The following NKAIN3 variants were observed in gnomAD, a reference collection of about 807,000 sequenced individuals.
NKAIN3 encodes the protein sodium/potassium transporting ATPase interacting 3.
Under a neutral mutation model 30.2 loss-of-function variants are expected in NKAIN3, and 25 were observed. The observed-to-expected ratio is 0.83, with a 90% CI of 0.60 to 1.16. The LOEUF (loss-of-function observed/expected upper bound fraction) is 1.16, where lower values mean the gene tolerates loss of function less well. Among genes scored for constraint, NKAIN3 ranks in the 50% most tolerant of loss-of-function variants. The pLI is 0.00. For missense variants in NKAIN3, 225 were observed against 254.1 expected (o/e 0.89, Z 0.78); for synonymous variants, 91 against 89.6 (o/e 1.02, Z -0.09).
At chr8:62,899,461 A>G (rs1563618284) in intron 4 of NKAIN3, among the ~76,000 whole-genome samples, 2 of 152,196 alleles carry the variant, frequency 1.3e-5, no homozygotes, top group Non-Finnish European at 2.9e-5. Context: ...GAACTGGAGG[A>G]CATTATTCTA....
intron 1 of NKAIN3, among the ~76,000 whole-genome samples, chr8:62,413,760 A>G (rs756020130): frequency 1.5e-4 from 23 of 152,162 alleles, no homozygotes; most frequent in Non-Finnish European, 2.9e-4. Context: ...TAATATAGGA[A>G]TGTCTTTATA....
chr8:62,662,995 C>T (rs1261242346), intron 3 of NKAIN3, among the ~76,000 whole-genome samples: 4 of 152,114 alleles, frequency 2.6e-5, no homozygotes, highest in African/African-American at 4.8e-5. Context: ...TTTATATGAA[C>T]CTTTGAAGTA....
intron 1 of NKAIN3, among the ~76,000 whole-genome samples, chr8:62,398,053 C>T (rs979131088): frequency 2.6e-5 from 4 of 152,146 alleles, no homozygotes; most frequent in Non-Finnish European, 5.9e-5. Context: ...GGCACCATGT[C>T]TGGCCACGAA....
At chr8:62,655,018 T>C (rs1586054422) in intron 3 of NKAIN3, among the ~76,000 whole-genome samples, 1 of 152,326 alleles carries the variant, frequency 6.6e-6, no homozygotes, top group East Asian at 1.9e-4. Flanking sequence ...TCACTCTTTC[T>C]GTCAATTCAG....
chr8:62,970,134 G>GGAA lies in NKAIN3; in HGVS notation c.*4730_*4732dup, dbSNP rs10664943. Among the ~76,000 whole-genome samples, 119,463 of 151,852 alleles carry GGAA rather than the reference G, an allele frequency of 0.79. 47,996 individuals are homozygous for GGAA. The highest frequency in any genetic ancestry group is 0.98 in the East Asian group (5,030 of 5,158). On this transcript the variant is annotated 3_prime_UTR_variant, in exon 7 of 7. Coordinates refer to ENST00000623646, the MANE Select transcript of NKAIN3 (RefSeq NM_001304533.3). ...CAGCCACTTGAGGGACTGAGGGAAG[G>GGAA]GAAGATTACTTGAGCCCAGGAATTA...
chr8:62,778,716 T>G (rs1373311584), intron 4 of NKAIN3, among the ~76,000 whole-genome samples: 1 of 152,056 alleles, frequency 6.6e-6, no homozygotes, highest in Non-Finnish European at 1.5e-5. Flanking sequence ...GTGGCCGAGC[T>G]GGTATCTAAG....
chr8:62,922,198 T>C (rs1039069029), intron 5 of NKAIN3, among the ~76,000 whole-genome samples: 3 of 152,222 alleles, frequency 2.0e-5, no homozygotes, highest in Non-Finnish European at 4.4e-5. Flanking sequence ...AACTTTTTAT[T>C]GGAAGGAAGC....
At chr8:62,803,856 T>G (rs1818167511) in intron 4 of NKAIN3, among the ~76,000 whole-genome samples, 1 of 152,108 alleles carries the variant, frequency 6.6e-6, no homozygotes. Flanking sequence ...ACAAAATTGA[T>G]AGACTGCTAG....
intron 1 of NKAIN3, among the ~76,000 whole-genome samples, chr8:62,327,752 G>T (rs1005982790): frequency 4.0e-5 from 6 of 151,676 alleles, no homozygotes; most frequent in South Asian, 2.1e-4. Context: ...TTTTTATCGC[G>T]ATTGTTTCGG....
chr8:62,320,286 A>C (rs1483947480), intron 1 of NKAIN3, among the ~76,000 whole-genome samples: 1 of 152,086 alleles, frequency 6.6e-6, no homozygotes, highest in Non-Finnish European at 1.5e-5. Context: ...CTCTTTATCC[A>C]ATTTGCCAGT....
intron 1 of NKAIN3, among the ~76,000 whole-genome samples, chr8:62,497,669 G>A (rs1349409744): frequency 6.6e-6 from 1 of 152,022 alleles, no homozygotes; most frequent in Non-Finnish European, 1.5e-5. Flanking sequence ...GTCTAGGAGT[G>A]ATCCAAAACA....
chr8:62,345,289 A>T (rs1815897348), intron 1 of NKAIN3, among the ~76,000 whole-genome samples: 1 of 146,494 alleles, frequency 6.8e-6, no homozygotes, highest in African/African-American at 2.5e-5. Flanking sequence ...ACACGCACAT[A>T]TACACACATA....
chr8:62,757,408 C>T (rs141684732), intron 4 of NKAIN3, among the ~76,000 whole-genome samples: 5 of 152,148 alleles, frequency 3.3e-5, no homozygotes, highest in Admixed American at 1.3e-4. Context: ...ATTCATTCAG[C>T]GAAACATATT....
chr8:62,509,950 A>G (rs999263902), intron 1 of NKAIN3, among the ~76,000 whole-genome samples: 1 of 152,158 alleles, frequency 6.6e-6, no homozygotes, highest in Non-Finnish European at 1.5e-5. Flanking sequence ...CATGTGCATA[A>G]ATATGTATAT....
In NKAIN3 at chr8:62,977,481, G is replaced by T. The variant is rs1010961432; in HGVS notation, c.*12074G>T. On this transcript the variant is annotated 3_prime_UTR_variant, in exon 7 of 7. Transcript: ENST00000623646. The stretch of plus-strand genomic sequence containing the variant: ...CTGATATCCTTTCTTCTGCTTGATC[G>T]ATTCAGCTATTGATACTTGTGTATG... Among the ~76,000 whole-genome samples, 2 of 151,422 alleles carry T rather than the reference G, an allele frequency of 1.3e-5. No homozygotes were observed. Among genetic ancestry groups the T allele is most frequent in the Non-Finnish European group, 2.9e-5 (2 of 67,938 alleles).
chr8:62,345,616 C>T (rs28806895), intron 1 of NKAIN3, among the ~76,000 whole-genome samples: 113,066 of 139,618 alleles, frequency 0.81, 46,093 homozygotes, highest in East Asian at 0.88. Context: ...TATGTATATA[C>T]ACACATATAT....
intron 4 of NKAIN3, among the ~76,000 whole-genome samples, chr8:62,784,490 A>C (rs1817455460): frequency 6.6e-6 from 1 of 152,066 alleles, no homozygotes; most frequent in Non-Finnish European, 1.5e-5. Flanking sequence ...ATTATAAGAT[A>C]ATACTATGAG....
At chr8:62,645,754 T>G (rs1812441056) in intron 3 of NKAIN3, among the ~76,000 whole-genome samples, 1 of 152,128 alleles carries the variant, frequency 6.6e-6, no homozygotes, top group Non-Finnish European at 1.5e-5. Flanking sequence ...TATTGGGGCT[T>G]TCATCCTCAG....
chr8:62,278,116 G>T (rs922197266), intron 1 of NKAIN3, among the ~76,000 whole-genome samples: 1 of 152,110 alleles, frequency 6.6e-6, no homozygotes, highest in Admixed American at 6.5e-5. Flanking sequence ...GACCTGGGCC[G>T]CCACACATGC....
Sources: gnomAD v4.1 joint callset for allele counts (sites outside exome capture counted in the v4.1 genomes callset) on GRCh38, gnomAD v4.1.1 for gene constraint, MANE v1.5 for transcripts, NCBI Gene and HGNC (gene_info 2026-07-23, HGNC 2026-07-21) for gene names.